TOMM34: variants seen among roughly 807,000 people sequenced by gnomAD.
The protein encoded by TOMM34 is translocase of outer mitochondrial membrane 34.
A neutral mutation model predicts 37.4 loss-of-function variants in TOMM34; 24 were observed. That is an observed-to-expected ratio of 0.64 (90% CI 0.46 to 0.90). The LOEUF (loss-of-function observed/expected upper bound fraction) is 0.90, where lower values mean the gene tolerates loss of function less well. Ranked by LOEUF, TOMM34 falls within the 40% of genes least tolerant of loss-of-function variation. TOMM34 has a pLI of 0.00. For synonymous variants in TOMM34, 154 were observed against 148.9 expected (o/e 1.03, Z -0.25); for missense variants, 304 against 375.6 (o/e 0.81, Z 1.58).
In TOMM34 at chr20:44,958,399, C is replaced by T. The variant is rs1432880651; in HGVS notation, c.127+1808G>A. On this transcript the variant is annotated intron_variant, in intron 1 of 6. Coordinates refer to ENST00000372813, the MANE Select transcript of TOMM34 (RefSeq NM_006809.5). ...TCCTTGCCCTTAAGGAGCTAAGTAC[C>T]CAAAACCTGTAATCCATCTTGAGTC... is the stretch of plus-strand genomic sequence containing the variant. The T allele has an allele frequency of 8.5e-6, 4 of 471,306 alleles. No individual in the cohort carries two copies. The Admixed American group carries it at 9.4e-5, about 11-fold the overall frequency. The allele number at this position is 471,306 out of a possible 1,614,324, so 29.2% of individuals were successfully genotyped here. A position where few individuals can be genotyped will look rare whatever the true frequency, so the allele number is the denominator to read the frequency against.
At chr20:44,954,213 G>A (rs555912625) in intron 3 of TOMM34, among the ~76,000 whole-genome samples, 1 of 152,290 alleles carries the variant, frequency 6.6e-6, no homozygotes, top group East Asian at 1.9e-4. Context: ...CCCCTGTGCT[G>A]CCTCCTACCA....
At chr20:44,960,138 G>A (rs908873051) in intron 1 of TOMM34, 69 bp downstream of exon 1, 206 of 1,493,878 alleles carry the variant, frequency 1.4e-4, no homozygotes, top group Non-Finnish European at 1.8e-4. Flanking sequence ...GCCGCCGCGC[G>A]AGGCCCGGGC....
At chr20:44,949,624 A>C (rs6094063) in intron 4 of TOMM34, among the ~76,000 whole-genome samples, 6,090 of 152,274 alleles carry the variant, frequency 0.04, 397 homozygotes, top group African/African-American at 0.13. Context: ...AAAATTTTTA[A>C]AACTATCTTT....
chr20:44,943,498 G>A lies in TOMM34; in HGVS notation c.780C>T (p.Asn260=), dbSNP rs1185324460. The A allele has an allele frequency of 3.1e-6, 5 of 1,613,818 alleles. No individual in the cohort carries two copies. In the African/African-American group the frequency reaches 4.0e-5, roughly 13 times the overall value. The change falls in exon 6 of 7, where the codon AAC becomes AAT. Residue 260 remains asparagine (N), a synonymous_variant. Transcript: ENST00000372813. The stretch of plus-strand genomic sequence containing the variant: ...GAGCCCGTCTGTAGAATGCCTTCAC[G>A]TTCTTTCCATCCAGCTTGAGGGCTT... ...CTEALKLDGK[N]VKAFYRRAQA... is the part of the protein sequence containing the mutation.
chr20:44,951,832 C>T lies in TOMM34; in HGVS notation c.550+1G>A. 1 of 1,613,364 alleles carries T rather than the reference C, an allele frequency of 6.2e-7. No individual in the cohort carries two copies. On this transcript the variant is annotated splice_donor_variant, in intron 4 of 6. Coordinates refer to ENST00000372813, the MANE Select transcript of TOMM34 (RefSeq NM_006809.5). LOFTEE classifies it high-confidence loss of function. ...ACTCTGGGCAGGGAGTCACAGCTCACCTCTGTTCTTTGTAGCTGTGGTTTC... is the reference window on the plus strand; with the variant it reads ...ACTCTGGGCAGGGAGTCACAGCTCATCTCTGTTCTTTGTAGCTGTGGTTTC...
At chr20:44,954,856 TATCA>T (rs369841762) in intron 3 of TOMM34, among the ~76,000 whole-genome samples, 8 of 152,246 alleles carry the variant, frequency 5.3e-5, no homozygotes, top group South Asian at 2.1e-4. Flanking sequence ...TGTAGGCAAA[TATCA>T]ATCAATCAAT....
intron 1 of TOMM34, chr20:44,958,558 C>T (rs41303909): frequency 0.015 from 4,757 of 319,972 alleles, 198 homozygotes; most frequent in African/African-American, 0.087. Context: ...CATAGACTTG[C>T]TGGAAGGGTT....
Position 44,943,455 on chromosome 20 carries a change from T to G in TOMM34, c.823A>C (p.Lys275Gln). 1.2e-6 allele frequency: 2 copies of G among 1,614,200 alleles called. No individual in the cohort carries two copies. The highest frequency in any genetic ancestry group is 2.2e-5 in the South Asian group (2 of 91,084). Reference protein sequence around the residue: ...YRRAQAHKALKDYKSSFADIS... With the variant: ...YRRAQAHKALQDYKSSFADIS... ...TTTTGGCCAGGATTTTTTTTTACCT[T>G]GAGTGCTTTGTGGGCTTGAGCCCGT... Residue 275 changes from lysine (K) to glutamine (Q), a missense_variant and splice_region_variant, in exon 6 of 7, where the codon AAG becomes CAG. Coordinates refer to ENST00000372813, the MANE Select transcript of TOMM34 (RefSeq NM_006809.5).
chr20:44,952,511 T>C (rs962201857), intron 3 of TOMM34: 29 of 694,698 alleles, frequency 4.2e-5, no homozygotes, highest in Non-Finnish European at 6.7e-5. Context: ...CCCTTCACTG[T>C]GAGCCACATT....
chr20:44,955,368 G>C (rs1473861346), intron 2 of TOMM34, 148 bp from the exon 3 acceptor site: 6 of 974,926 alleles, frequency 6.2e-6, no homozygotes, highest in Non-Finnish European at 9.2e-6. Context: ...CCAAACCTCA[G>C]AACAGGGATT....
chr20:44,950,980 C>T (rs548799638), intron 4 of TOMM34, among the ~76,000 whole-genome samples: 8 of 152,280 alleles, frequency 5.3e-5, no homozygotes, highest in Non-Finnish European at 1.2e-4. Flanking sequence ...GATCTCCTTT[C>T]TCTTCTTCAT....
intron 1 of TOMM34, 65 bp from the exon 2 acceptor site, chr20:44,956,550 A>C: frequency 1.3e-6 from 2 of 1,504,700 alleles, no homozygotes; most frequent in Non-Finnish European, 1.8e-6. Flanking sequence ...ATTAGGATAC[A>C]TTTCAAACTC....
At position 44,943,065 on chromosome 20, in the gene TOMM34, T is replaced by C; in HGVS notation, c.*44A>G. The C allele has an allele frequency of 6.2e-7, 1 of 1,604,106 alleles. No homozygotes were observed. The highest frequency in any genetic ancestry group is 1.1e-5 in the South Asian group (1 of 90,812). Reference sequence around the variant, plus strand: ...CACAGAGCAGGTGGCCCATGGCTTCTCTGGGTAAGGTCAGGCAGGGGTTCC... The same window carrying C: ...CACAGAGCAGGTGGCCCATGGCTTCCCTGGGTAAGGTCAGGCAGGGGTTCC... On this transcript the variant is annotated 3_prime_UTR_variant, in exon 7 of 7. Transcript: ENST00000372813.
At chr20:44,954,589 C>G (rs915026532) in intron 3 of TOMM34, among the ~76,000 whole-genome samples, 2 of 152,148 alleles carry the variant, frequency 1.3e-5, no homozygotes, top group Non-Finnish European at 2.9e-5. Context: ...TGCTCAGAGA[C>G]CAGAAAGGAA....
At chr20:44,951,451 T>C (rs2067025434) in intron 4 of TOMM34, among the ~76,000 whole-genome samples, 1 of 152,218 alleles carries the variant, frequency 6.6e-6, no homozygotes, top group African/African-American at 2.4e-5. Context: ...TTTTTCAGTT[T>C]TATGAGCCAA....
intron 5 of TOMM34, 129 bp downstream of exon 5, chr20:44,948,601 G>A (rs565132111): frequency 4.3e-6 from 5 of 1,168,472 alleles, no homozygotes; most frequent in South Asian, 3.2e-5. Context: ...AGCTCACAAC[G>A]TGGATGCATG....
rs1299060711 is a variant in TOMM34, at chr20:44,948,698, A to G, written c.698+32T>C. On this transcript the variant is annotated intron_variant, in intron 5 of 6. Coordinates refer to ENST00000372813, the MANE Select transcript of TOMM34 (RefSeq NM_006809.5). ...AAGACTATGGAACAAATGTCCTGAA[A>G]TGCCCCAGGCCAGCAGCTGTATAGG... is the stretch of plus-strand genomic sequence containing the variant. 4 of 1,611,698 alleles carry G rather than the reference A, an allele frequency of 2.5e-6. No individual in the cohort carries two copies. In the Admixed American group the frequency reaches 6.7e-5, roughly 27 times the overall value.
chr20:44,956,110 G>A (rs1465738927), intron 2 of TOMM34, among the ~76,000 whole-genome samples: 1 of 152,058 alleles, frequency 6.6e-6, no homozygotes, highest in Admixed American at 6.6e-5. Flanking sequence ...TTATTCCCAG[G>A]TTTCAAATTG....
At chr20:44,954,753 C>T (rs2067055864) in intron 3 of TOMM34, among the ~76,000 whole-genome samples, 1 of 152,170 alleles carries the variant, frequency 6.6e-6, no homozygotes, top group African/African-American at 2.4e-5. Context: ...GTCTGTATCT[C>T]TTTCTCATTT....
Sources: gnomAD v4.1 joint callset for allele counts (sites outside exome capture counted in the v4.1 genomes callset) on GRCh38, gnomAD v4.1.1 for gene constraint, MANE v1.5 for transcripts, NCBI Gene and HGNC (gene_info 2026-07-23, HGNC 2026-07-21) for gene names.